Variants in TNPO3 observed in about 807,000 individuals in gnomAD.
TNPO3 encodes the protein transportin-3.
TNPO3 carries 65 observed loss-of-function variants against 122.8 expected under a neutral mutation model. That is an observed-to-expected ratio of 0.53 (90% confidence interval 0.43 to 0.65). TNPO3 has a LOEUF of 0.65. TNPO3 is among the 30% of genes least tolerant of loss of function. The pLI, the probability that TNPO3 is intolerant of heterozygous loss-of-function variation, is 0.00. For synonymous variants in TNPO3, 372 were observed against 411.2 expected, an observed-to-expected ratio of 0.90 and a Z score of 1.15; for missense variants, 850 against 1,136.7, an observed-to-expected ratio of 0.75 and a Z score of 3.63.
chr7:128,992,154 A>T, intron 9 of TNPO3, 64 bp from the exon 10 acceptor site: 1 of 911,442 alleles, frequency 1.1e-6, no homozygotes, highest in Non-Finnish European at 1.7e-6. Flanking sequence ...AACAAACAAA[A>T]CAAAAAATCC....
Position 128,970,421 on chromosome 7 carries a change from T to TGA in TNPO3, c.2431-107_2431-106insTC, listed in dbSNP as rs1798344708. ...TTTCTCTTTAATAGGAAAGTGTGTG[T>TGA]GTGTGTGCACGCGTGGCTGTGTGTG... On this transcript the variant is annotated intron_variant, in intron 19 of 22. Transcript: ENST00000265388. 10 of 1,090,812 alleles carry TGA rather than the reference T, an allele frequency of 9.2e-6. No homozygotes were observed. The Admixed American group carries it at 2.2e-4, about 24-fold the overall frequency. 67.6% of individuals were successfully genotyped at this position (1,090,812 alleles called of 1,614,324 possible).
intron 7 of TNPO3, among the ~76,000 whole-genome samples, chr7:128,999,934 A>T (rs543930226): frequency 8.5e-5 from 13 of 152,148 alleles, no homozygotes; most frequent in Non-Finnish European, 1.8e-4. Context: ...CTTATACTAT[A>T]AAGAGGTAAA....
chr7:129,037,898 A>G (rs576624527), intron 1 of TNPO3, among the ~76,000 whole-genome samples: 18 of 152,336 alleles, frequency 1.2e-4, no homozygotes, highest in African/African-American at 4.1e-4. Flanking sequence ...TATTTTGCAC[A>G]ATACCTGCCA....
At chr7:129,035,570 C>T (rs528613862) in intron 1 of TNPO3, among the ~76,000 whole-genome samples, 28 of 152,134 alleles carry the variant, frequency 1.8e-4, no homozygotes, top group African/African-American at 6.7e-4. Context: ...GAGCCTTGAT[C>T]ACACCATTGC....
intron 18 of TNPO3, among the ~76,000 whole-genome samples, chr7:128,974,505 G>A (rs1182312885): frequency 1.3e-5 from 2 of 152,026 alleles, no homozygotes; most frequent in South Asian, 2.1e-4. Flanking sequence ...ATATCTAAAG[G>A]ATGCTAAGCT....
rs114089610 is a variant in TNPO3 at position 129,019,166 on chromosome 7, T to C, written c.121-1009A>G. The stretch of plus-strand genomic sequence containing the variant: ...GCTCTCTAGTAGCCAGTCACAATTA[T>C]AAAGGGGAGTCATATTTTGAAGACA... On this transcript the variant is annotated intron_variant, in intron 1 of 22. Coordinates refer to ENST00000265388, the MANE Select transcript of TNPO3 (RefSeq NM_012470.4). 6.6e-3 allele frequency among the ~76,000 whole-genome samples: 998 copies of C among 152,334 alleles called. 9 individuals are homozygous for C. Among genetic ancestry groups the C allele is most frequent in the African/African-American group, 0.023 (949 of 41,572 alleles).
intron 15 of TNPO3, among the ~76,000 whole-genome samples, chr7:128,979,528 C>T (rs557621830): frequency 6.6e-6 from 1 of 152,336 alleles, no homozygotes; most frequent in African/African-American, 2.4e-5. Context: ...CCATTGGACA[C>T]TTAAGAGTAT....
At chr7:129,037,459 C>A (rs1806816675) in intron 1 of TNPO3, among the ~76,000 whole-genome samples, 1 of 152,120 alleles carries the variant, frequency 6.6e-6, no homozygotes. Context: ...ACACTTCTAA[C>A]AAATTGAGAA....
intron 7 of TNPO3, 118 bp from the exon 8 acceptor site, chr7:128,997,653 C>A (rs926878189): frequency 7.7e-6 from 7 of 904,890 alleles, no homozygotes; most frequent in African/African-American, 1.7e-5. Flanking sequence ...ATGAGTGGAG[C>A]CAGTTAAGAA....
At chr7:128,964,714 A>C (rs1381356135) in intron 21 of TNPO3, among the ~76,000 whole-genome samples, 1 of 152,196 alleles carries the variant, frequency 6.6e-6, no homozygotes, top group Admixed American at 6.5e-5. Flanking sequence ...CAGTAATCAA[A>C]ACAGCATGGT....
chr7:128,967,973 G>A (rs1196049285), intron 20 of TNPO3, among the ~76,000 whole-genome samples: 2 of 151,978 alleles, frequency 1.3e-5, no homozygotes, highest in Non-Finnish European at 2.9e-5. Context: ...GCCCAGACTG[G>A]TCTCAAACTC....
At chr7:129,018,811 C>T (rs1333335966) in intron 1 of TNPO3, among the ~76,000 whole-genome samples, 2 of 152,114 alleles carry the variant, frequency 1.3e-5, no homozygotes, top group East Asian at 3.9e-4. Flanking sequence ...CTCTGCCTCC[C>T]AGGTTCAAGC....
At chr7:128,990,203 C>A (rs764309262) in intron 10 of TNPO3, 103 bp from the exon 11 acceptor site, 1 of 1,251,608 alleles carries the variant, frequency 8.0e-7, no homozygotes, top group Non-Finnish European at 1.2e-6. Flanking sequence ...GGGCTTCTTT[C>A]TAAACAACCA....
intron 4 of TNPO3, among the ~76,000 whole-genome samples, chr7:129,010,555 AAACT>A (rs1321445566): frequency 6.6e-5 from 10 of 152,240 alleles, no homozygotes; most frequent in African/African-American, 2.4e-4. Context: ...GAACATTCAT[AAACT>A]AACAAGCTAC....
chr7:128,976,052 T>C (rs1799026605), intron 16 of TNPO3, 117 bp from the exon 17 acceptor site: 3 of 733,666 alleles, frequency 4.1e-6, no homozygotes, highest in African/African-American at 3.5e-5. Context: ...TAAGGCAACA[T>C]AGTATAAAGC....
chr7:128,977,371 G>A (rs557969422), intron 16 of TNPO3, among the ~76,000 whole-genome samples: 1 of 152,176 alleles, frequency 6.6e-6, no homozygotes, highest in Non-Finnish European at 1.5e-5. Flanking sequence ...GGTGGCAATC[G>A]CCTAAATGCG....
chr7:129,015,182 C>T (rs756036623), intron 3 of TNPO3, 47 bp from the exon 4 acceptor site: 4 of 1,584,940 alleles, frequency 2.5e-6, no homozygotes, highest in Non-Finnish European at 3.4e-6. Flanking sequence ...CCAGAAAATA[C>T]ACAATCACAT....
At chr7:129,035,452 GA>G (rs1013933455) in intron 1 of TNPO3, among the ~76,000 whole-genome samples, 20 of 151,882 alleles carry the variant, frequency 1.3e-4, no homozygotes, top group African/African-American at 4.4e-4. Flanking sequence ...AAAAAAGAAA[GA>G]AAAAAAGAAA....
At chr7:129,015,753 A>G (rs905027177) in intron 3 of TNPO3, among the ~76,000 whole-genome samples, 34 of 152,192 alleles carry the variant, frequency 2.2e-4, no homozygotes, top group Non-Finnish European at 4.4e-5. Flanking sequence ...GGATCTCATG[A>G]GCCCAAGAGT....
Sources: allele counts gnomAD v4.1 joint callset (sites outside exome capture counted in the v4.1 genomes callset), GRCh38; gene constraint gnomAD v4.1.1; transcripts MANE v1.5; gene names NCBI Gene and HGNC (gene_info 2026-07-23, HGNC 2026-07-21).